Variants in COPG1 observed in about 807,000 individuals in gnomAD.
The protein encoded by COPG1 is coatomer subunit gamma-1.
Under a neutral mutation model 102.8 loss-of-function variants are expected in COPG1, and 29 were observed. The ratio of observed to expected loss-of-function variants is 0.28; its 90% CI spans 0.21 to 0.38. The LOEUF is 0.38. COPG1 is among the 10% of genes least tolerant of loss of function. The pLI is 1.00. For synonymous variants in COPG1, 406 were observed against 421.6 expected, an observed-to-expected ratio of 0.96 and a Z score of 0.45; for missense variants, 875 against 1,132.7, an observed-to-expected ratio of 0.77 and a Z score of 3.27.
intron 11 of COPG1, 23 bp from the exon 12 acceptor site, chr3:129,260,596 C>G: frequency 6.2e-7 from 1 of 1,612,176 alleles, no homozygotes; most frequent in Non-Finnish European, 8.5e-7. Flanking sequence ...CCTGCCCTCT[C>G]TGTCACTGTC....
Position 129,271,813 on chromosome 3 carries a change from C to T in COPG1, c.1890C>T (p.Phe630=), listed in dbSNP as rs1395935011. 1 of 1,614,248 alleles carries T rather than the reference C, an allele frequency of 6.2e-7. No individual in the cohort carries two copies. The highest frequency in any genetic ancestry group is 1.7e-5 in the Admixed American group (1 of 60,026). The change falls in exon 19 of 24, where the codon TTC becomes TTT. Residue 630 remains phenylalanine (F), a synonymous_variant. Transcript: ENST00000314797. This position sits in a 1 kb window ranked among gnomAD's most constrained non-coding sequence, Gnocchi z 4.7. The stretch of plus-strand genomic sequence containing the variant: ...AGTTCCGCGGTCTTGGGCCCCTCTT[C>T]AAGTCCTCGCCTGAGCCCGTGGCCC... ...VPEFRGLGPL[F]KSSPEPVALT...
intron 12 of COPG1, 134 bp downstream of exon 12, chr3:129,260,941 T>A (rs1939914203): frequency 2.3e-6 from 2 of 869,778 alleles, no homozygotes; most frequent in Non-Finnish European, 3.5e-6. Flanking sequence ...AGGCCAGCAG[T>A]TTGCTCTGCA....
intron 17 of COPG1, 112 bp downstream of exon 17, chr3:129,268,732 G>A: frequency 7.5e-7 from 1 of 1,338,020 alleles, no homozygotes; most frequent in South Asian, 1.3e-5. Context: ...ATGCTGGGAG[G>A]AGGAAATGAT....
At position 129,249,646 on chromosome 3, in the gene COPG1, A is replaced by G. The variant is rs960084211; in HGVS notation, c.-64A>G. 1.4e-5 allele frequency: 21 copies of G among 1,537,766 alleles called. No individual in the cohort carries two copies. The highest frequency in any genetic ancestry group is 5.9e-5 in the Admixed American group (3 of 50,818). On this transcript the variant is annotated 5_prime_UTR_variant, in exon 1 of 24. Coordinates refer to ENST00000314797, the MANE Select transcript of COPG1 (RefSeq NM_016128.4). ...GTGGTCCCTGTAGAACCACTGTGGC[A>G]CCGCTACTCCGTGCCGCGCCCGTCG... is the stretch of plus-strand genomic sequence containing the variant.
At chr3:129,259,520 G>T (rs930635702) in intron 10 of COPG1, among the ~76,000 whole-genome samples, 3 of 151,456 alleles carry the variant, frequency 2.0e-5, no homozygotes, top group Admixed American at 1.3e-4. Context: ...CACTGATTTG[G>T]GTATTCATTC....
intron 18 of COPG1, among the ~76,000 whole-genome samples, chr3:129,270,191 G>A (rs1940158622): frequency 6.6e-6 from 1 of 151,650 alleles, no homozygotes; most frequent in African/African-American, 2.4e-5. Flanking sequence ...ACCATGCAAG[G>A]TAACATAGCT....
intron 20 of COPG1, 35 bp from the exon 21 acceptor site, chr3:129,272,772 G>T: frequency 7.0e-7 from 1 of 1,427,296 alleles, no homozygotes. Context: ...TGCAGGCTGG[G>T]GACATCCTAA....
chr3:129,260,404 A>G lies in COPG1; in HGVS notation c.939+4A>G. The G allele has an allele frequency of 6.2e-7, 1 of 1,613,894 alleles. No individual in the cohort carries two copies. The highest frequency in any genetic ancestry group is 8.5e-7 in the Non-Finnish European group (1 of 1,179,790). On this transcript the variant is annotated splice_donor_region_variant and intron_variant, in intron 11 of 23. Transcript: ENST00000314797. The stretch of plus-strand genomic sequence containing the variant: ...TGCTGTTCGTACCCTCAATAAGGTA[A>G]GAGTCCAGCTTGGGGGTTGGAGGAA...
Position 129,256,084 on chromosome 3 carries a change from G to C in COPG1, c.509G>C (p.Ser170Thr), listed in dbSNP as rs1214667281. ...LVSSLHLLKC[S>T]FDVVKRWVNE... ...TGCCCACAGCACCTGCTGAAGTGCA[G>C]CTTTGACGTGGTCAAGCGCTGGGTG... Residue 170 changes from serine (S) to threonine (T), a missense_variant, in exon 8 of 24, where the codon AGC becomes ACC. By Grantham distance (58) the Ser-to-Thr change is moderately conservative. Coordinates refer to ENST00000314797, the MANE Select transcript of COPG1 (RefSeq NM_016128.4). 1.2e-6 allele frequency: 2 copies of C among 1,613,926 alleles called. No individual in the cohort carries two copies. Among genetic ancestry groups the C allele is most frequent in the South Asian group, 1.1e-5 (1 of 91,072 alleles).
At chr3:129,263,406 A>C (rs1205186152) in intron 12 of COPG1, among the ~76,000 whole-genome samples, 1 of 152,182 alleles carries the variant, frequency 6.6e-6, no homozygotes, top group South Asian at 2.1e-4. Flanking sequence ...GCAGGTCTTA[A>C]GCTCAGACAG....
In COPG1 at chr3:129,272,058, C is replaced by T. The variant is rs1015092228; in HGVS notation, c.1986+149C>T. ...ATCTGTCCCCAACAGGTCGGTCTCT[C>T]ATATCTCTTGACTCGGGACATCCAT... On this transcript the variant is annotated intron_variant, in intron 19 of 23. Transcript: ENST00000314797. 5 of 1,057,630 alleles carry T rather than the reference C, an allele frequency of 4.7e-6. No homozygotes were observed. The East Asian group carries it at 7.7e-5, about 16-fold the overall frequency. 65.5% of individuals were successfully genotyped at this position (1,057,630 alleles called of 1,614,324 possible).
chr3:129,263,014 C>CAAA (rs1299713396), intron 12 of COPG1, among the ~76,000 whole-genome samples: 6 of 54,214 alleles, frequency 1.1e-4, no homozygotes, highest in Admixed American at 2.0e-4. Flanking sequence ...GACTCCGTCT[C>CAAA]AAAAAAAAAA....
Position 129,265,625 on chromosome 3 carries a change from C to T in COPG1, c.1301C>T (p.Thr434Ile). ...IIEENSESKE[T>I]GLSHLCEFIE... Reference sequence around the variant, plus strand: ...GAAGAGAACTCAGAGAGCAAGGAGACAGGGCTGTCACATCTGTGCGAGTTC... The same window carrying T: ...GAAGAGAACTCAGAGAGCAAGGAGATAGGGCTGTCACATCTGTGCGAGTTC... Residue 434 changes from threonine (T) to isoleucine (I), a missense_variant, in exon 14 of 24, where the codon ACA becomes ATA. Thr to Ile is a moderately conservative substitution (Grantham distance 89, BLOSUM62 -1). Transcript: ENST00000314797. 1.9e-6 allele frequency: 3 copies of T among 1,614,208 alleles called. No individual in the cohort carries two copies. In the South Asian group the frequency reaches 3.3e-5, roughly 18 times the overall value.
chr3:129,260,643 G>T lies in COPG1; in HGVS notation c.964G>T (p.Val322Leu). The change falls in exon 12 of 24, where the codon GTG becomes TTG. Residue 322 changes from valine (V) to leucine (L), a missense_variant. Coordinates refer to ENST00000314797, the MANE Select transcript of COPG1 (RefSeq NM_016128.4). ...GGTTGCCATGAAGCATCCGTCAGCT[G>T]TGACAGCTTGTAATCTGGATCTGGA... Reference protein sequence around the residue: ...NKVAMKHPSAVTACNLDLENL... With the variant: ...NKVAMKHPSALTACNLDLENL... 1 of 1,614,164 alleles carries T rather than the reference G, an allele frequency of 6.2e-7. No individual in the cohort carries two copies.
intron 6 of COPG1, 27 bp from the exon 7 acceptor site, chr3:129,254,958 C>T: frequency 6.3e-7 from 1 of 1,596,874 alleles, no homozygotes; most frequent in African/African-American, 1.3e-5. Flanking sequence ...ACTGGATCTC[C>T]TTCCACCCTG....
intron 21 of COPG1, 150 bp downstream of exon 21, chr3:129,273,054 C>A: frequency 2.5e-6 from 1 of 403,264 alleles, no homozygotes; most frequent in East Asian, 4.0e-5. Flanking sequence ...TGAAGTTTCT[C>A]TTTTGTTACC....
At chr3:129,254,133 C>T (rs1412761956) in intron 5 of COPG1, among the ~76,000 whole-genome samples, 1 of 151,940 alleles carries the variant, frequency 6.6e-6, no homozygotes, top group Non-Finnish European at 1.5e-5. Context: ...CCCCTCTCTA[C>T]TAAAAATACA....
At position 129,252,337 on chromosome 3, in the gene COPG1, C is replaced by G; in HGVS notation, c.147C>G (p.Thr49=). 6.2e-7 allele frequency: 1 copy of G among 1,612,376 alleles called. No homozygotes were observed. The highest frequency in any genetic ancestry group is 1.1e-5 in the South Asian group (1 of 91,030). Reference sequence around the variant, plus strand: ...CTCGGAAATGTGCCCACATCCTCACCAAGATTCTTTATCTCATAAACCAGG... The same window carrying G: ...CTCGGAAATGTGCCCACATCCTCACGAAGATTCTTTATCTCATAAACCAGG... ...INPRKCAHIL[T]KILYLINQGE... is the part of the protein sequence containing the mutation. The change falls in exon 3 of 24, where the codon ACC becomes ACG. Residue 49 remains threonine, a synonymous_variant. Coordinates refer to ENST00000314797, the MANE Select transcript of COPG1 (RefSeq NM_016128.4).
In COPG1 at chr3:129,271,958, G is replaced by A; in HGVS notation, c.1986+49G>A. The A allele has an allele frequency of 6.3e-7, 1 of 1,599,580 alleles. No homozygotes were observed. ...TGCTGGGGCATGCGCCCAGGGAGTT[G>A]TCCCAGGTCTGGCAGGTCCTGTAGG... On this transcript the variant is annotated intron_variant, in intron 19 of 23. Transcript: ENST00000314797. This position sits in a 1 kb window ranked among gnomAD's most constrained non-coding sequence, Gnocchi z 4.7.
Sources: allele counts gnomAD v4.1 joint callset (sites outside exome capture counted in the v4.1 genomes callset), GRCh38; gene constraint gnomAD v4.1.1; non-coding constraint Gnocchi (gnomAD v3.1); transcripts MANE v1.5; gene names NCBI Gene and HGNC (gene_info 2026-07-23, HGNC 2026-07-21).